The following ZNF385D variants were observed in gnomAD, a reference collection of about 807,000 sequenced individuals.
ZNF385D encodes the protein zinc finger protein 659.
ZNF385D carries 15 observed loss-of-function variants against 35.8 expected under a neutral mutation model. That is an observed-to-expected ratio of 0.42 (90% CI 0.28 to 0.64). The LOEUF (loss-of-function observed/expected upper bound fraction) is 0.64, where lower values mean the gene tolerates loss of function less well. Among genes scored for constraint, ZNF385D ranks in the 30% least tolerant of loss-of-function variants. The probability of loss-of-function intolerance (pLI) is 0.23; values close to 1 mark genes in which losing one functional copy is unlikely to be tolerated. For missense variants in ZNF385D, 474 were observed against 494.6 expected, an observed-to-expected ratio of 0.96 and a Z score of 0.39; for synonymous variants, 212 against 186.8, an observed-to-expected ratio of 1.13 and a Z score of -1.10.
At chr3:22,344,269 A>G (rs1468878029) in intron 2 of ZNF385D, among the ~76,000 whole-genome samples, 3 of 151,942 alleles carry the variant, frequency 2.0e-5, no homozygotes, top group Non-Finnish European at 4.4e-5. Flanking sequence ...GTCAGACTGG[A>G]TAAAATTTCA....
chr3:22,130,274 C>T (rs1007596352), intron 3 of ZNF385D, among the ~76,000 whole-genome samples: 8 of 152,146 alleles, frequency 5.3e-5, no homozygotes, highest in Non-Finnish European at 1.0e-4. Flanking sequence ...AAGGGTGATG[C>T]AAGTATCCCC....
At chr3:22,032,424 C>T (rs1195795322) in intron 3 of ZNF385D, among the ~76,000 whole-genome samples, 1 of 152,162 alleles carries the variant, frequency 6.6e-6, no homozygotes, top group Non-Finnish European at 1.5e-5. Flanking sequence ...CTCATGAGAA[C>T]CCCCTCACTA....
chr3:22,002,175 T>A (rs114052222), intron 3 of ZNF385D, among the ~76,000 whole-genome samples: 46 of 150,004 alleles, frequency 3.1e-4, no homozygotes, highest in African/African-American at 9.7e-4. Context: ...TCAGAAAAGA[T>A]AAATAAAATT....
chr3:21,510,049 T>A (rs999997893), intron 4 of ZNF385D, among the ~76,000 whole-genome samples: 3 of 152,234 alleles, frequency 2.0e-5, no homozygotes, highest in Non-Finnish European at 4.4e-5. Flanking sequence ...ACCATTGCCA[T>A]TCACATGGAC....
At chr3:22,344,107 T>C (rs560395697) in intron 2 of ZNF385D, among the ~76,000 whole-genome samples, 1 of 151,732 alleles carries the variant, frequency 6.6e-6, no homozygotes, top group South Asian at 2.1e-4. Context: ...TGAAAATTAA[T>C]GACAAACCGT....
At chr3:21,895,632 TG>T (rs1397785798) in intron 3 of ZNF385D, among the ~76,000 whole-genome samples, 1 of 151,740 alleles carries the variant, frequency 6.6e-6, no homozygotes. Flanking sequence ...TGAGCCACCA[TG>T]CCTGGCCCAC....
chr3:21,702,457 AT>A (rs2067726360), intron 1 of ZNF385D, among the ~76,000 whole-genome samples: 1 of 152,176 alleles, frequency 6.6e-6, no homozygotes, highest in Non-Finnish European at 1.5e-5. Flanking sequence ...CAGGCCTGTG[AT>A]GGGAGGGGCT....
intron 4 of ZNF385D, among the ~76,000 whole-genome samples, chr3:21,488,398 T>G (rs761627223): frequency 1.3e-4 from 20 of 151,766 alleles, no homozygotes; most frequent in Non-Finnish European, 2.8e-4. Flanking sequence ...TAAATTACCA[T>G]ACACCACAGA....
chr3:22,342,232 G>C (rs1249068511), intron 2 of ZNF385D, among the ~76,000 whole-genome samples: 1 of 122,016 alleles, frequency 8.2e-6, no homozygotes, highest in Non-Finnish European at 1.6e-5. Context: ...AGCCGAGATA[G>C]CCCCATTGCA....
At chr3:21,917,118 G>C (rs1575909186) in intron 3 of ZNF385D, among the ~76,000 whole-genome samples, 1 of 152,262 alleles carries the variant, frequency 6.6e-6, no homozygotes, top group East Asian at 1.9e-4. Context: ...GAAGACACAA[G>C]ATATTTTGGA....
intron 2 of ZNF385D, among the ~76,000 whole-genome samples, chr3:22,287,122 A>G (rs1048948434): frequency 1.3e-5 from 2 of 152,034 alleles, no homozygotes; most frequent in Admixed American, 6.6e-5. Flanking sequence ...TTATTATTAT[A>G]TAATGGCCTT....
intron 1 of ZNF385D, among the ~76,000 whole-genome samples, chr3:21,720,208 C>T (rs78174577): frequency 0.043 from 6,497 of 152,224 alleles, 430 homozygotes; most frequent in African/African-American, 0.15. Flanking sequence ...CCTAGAATAG[C>T]TATTCTTAAG....
chr3:21,748,444 C>T (rs542240039), intron 1 of ZNF385D, among the ~76,000 whole-genome samples: 11 of 152,022 alleles, frequency 7.2e-5, no homozygotes, highest in African/African-American at 1.2e-4. Context: ...GGGGGCAACA[C>T]TGACAAATCA....
rs185159498 is a variant in ZNF385D, at chr3:22,212,176, G to A, written c.107-43141C>T. Among the ~76,000 whole-genome samples the A allele has an allele frequency of 6.4e-3, 968 of 152,062 alleles. 11 individuals carry two copies. Among genetic ancestry groups the A allele is most frequent in the Non-Finnish European group, 6.1e-3 (417 of 67,950 alleles). On this transcript the variant is annotated intron_variant, in intron 2 of 5. Transcript: ENST00000494108. The stretch of plus-strand genomic sequence containing the variant: ...CCAGTTATTCCCAGAAGAGTGCAAA[G>A]GACTGAGGAAGAGGGAGAAAAGACA...
chr3:21,954,349 A>G (rs1203066833), intron 3 of ZNF385D, among the ~76,000 whole-genome samples: 1 of 151,990 alleles, frequency 6.6e-6, no homozygotes, highest in Non-Finnish European at 1.5e-5. Flanking sequence ...TTTCAAGTAA[A>G]CACATAGGGA....
intron 3 of ZNF385D, among the ~76,000 whole-genome samples, chr3:21,875,181 C>G (rs1433809740): frequency 6.6e-6 from 1 of 152,044 alleles, no homozygotes; most frequent in Non-Finnish European, 1.5e-5. Context: ...ACATATTAGA[C>G]CATGTCATCT....
intron 2 of ZNF385D, among the ~76,000 whole-genome samples, chr3:22,283,212 T>G (rs867875199): frequency 1.3e-5 from 2 of 151,944 alleles, no homozygotes. Context: ...AGAAATGAGA[T>G]AGACAGCAAA....
intron 3 of ZNF385D, among the ~76,000 whole-genome samples, chr3:21,880,764 G>C (rs977535665): frequency 1.3e-5 from 2 of 152,010 alleles, no homozygotes; most frequent in Admixed American, 6.6e-5. Context: ...CTGCCAAACA[G>C]TTAGCAATGT....
intron 3 of ZNF385D, among the ~76,000 whole-genome samples, chr3:22,087,455 G>A (rs2125594865): frequency 6.6e-6 from 1 of 152,256 alleles, no homozygotes; most frequent in East Asian, 1.9e-4. Flanking sequence ...CAAATTCTAA[G>A]AAGTGTCACT....
Sources: gnomAD v4.1 joint callset for allele counts (sites outside exome capture counted in the v4.1 genomes callset) on GRCh38, gnomAD v4.1.1 for gene constraint, MANE v1.5 for transcripts, NCBI Gene and HGNC (gene_info 2026-07-23, HGNC 2026-07-21) for gene names.